MKRN2OS: variants seen among roughly 807,000 people sequenced by gnomAD.
MKRN2OS encodes the protein MKRN2 opposite strand.
MKRN2OS carries 17 observed loss-of-function variants against 18.2 expected under a neutral mutation model. The ratio of observed to expected loss-of-function variants is 0.93; its 90% confidence interval spans 0.64 to 1.40. The LOEUF is 1.40. Ranked by LOEUF, MKRN2OS falls within the 40% of genes most tolerant of loss-of-function variation. The probability of loss-of-function intolerance (pLI) is 0.00; values close to 1 mark genes in which losing one functional copy is unlikely to be tolerated. For missense variants in MKRN2OS, 337 were observed against 283.0 expected (o/e 1.19, Z -1.37); for synonymous variants, 121 against 108.5 (o/e 1.12, Z -0.72).
At chr3:12,549,328 C>G (rs1005732637), upstream of MKRN2OS, among the ~76,000 whole-genome samples, 2 of 152,114 alleles carry the variant, frequency 1.3e-5, no homozygotes, top group African/African-American at 4.8e-5. Context: ...ACTGCAGCCT[C>G]CATCTCCTGG....
intron 1 of MKRN2OS, chr3:12,557,131 G>T: frequency 2.7e-6 from 4 of 1,493,168 alleles, no homozygotes; most frequent in Non-Finnish European, 3.6e-6. Context: ...GCACGACGAC[G>T]GTCCCTCAGC....
upstream of MKRN2OS, among the ~76,000 whole-genome samples, chr3:12,548,840 C>T (rs963974569): frequency 1.3e-5 from 2 of 152,040 alleles, no homozygotes; most frequent in Admixed American, 6.6e-5. Context: ...TCCTTTTTTA[C>T]CTTTTCTCTA....
At position 12,541,975 on chromosome 3, in the gene MKRN2OS, C is replaced by A. The variant is rs751894943; in HGVS notation, c.316G>T (p.Gly106Trp). ...SAHGVQRDGE[G>W]WEESISIPLL... ...GGGATGCTTATGCTCTCTTCCCACCCTTCTCCGTCTCGCTGGACACCATGT... is the reference window on the plus strand; with the variant it reads ...GGGATGCTTATGCTCTCTTCCCACCATTCTCCGTCTCGCTGGACACCATGT... Residue 106 changes from glycine (G) to tryptophan (W), a missense_variant, in exon 3 of 4, where the codon GGG becomes TGG. Physicochemically the swap from Gly to Trp is radical, Grantham distance 184. Transcript: ENST00000564146. The A allele has an allele frequency of 2.6e-6, 4 of 1,535,970 alleles. No individual in the cohort carries two copies. The highest frequency in any genetic ancestry group is 2.0e-5 in the Admixed American group (1 of 50,966).
chr3:12,544,253 A>G (rs2057855036), intron 1 of MKRN2OS, among the ~76,000 whole-genome samples: 1 of 152,176 alleles, frequency 6.6e-6, no homozygotes, highest in Non-Finnish European at 1.5e-5. Context: ...GGAGCATTAG[A>G]CTAATGATAC....
downstream of MKRN2OS, among the ~76,000 whole-genome samples, chr3:12,551,355 T>C (rs189674665): frequency 1.1e-4 from 17 of 151,068 alleles, no homozygotes; most frequent in Non-Finnish European, 2.4e-4. Context: ...TTAGCCCGGG[T>C]GTGATGGTAC....
chr3:12,541,737 T>C, intron 3 of MKRN2OS, 123 bp downstream of exon 3: 1 of 1,031,686 alleles, frequency 9.7e-7, no homozygotes, highest in Non-Finnish European at 1.4e-6. Context: ...GATGCTAATA[T>C]GTCTGTATCG....
intron 2 of MKRN2OS, among the ~76,000 whole-genome samples, 192 bp downstream of exon 2, chr3:12,542,988 G>C (rs1206521609): frequency 6.6e-6 from 1 of 152,140 alleles, no homozygotes; most frequent in Non-Finnish European, 1.5e-5. Context: ...CAAATATTTT[G>C]TATTGTTAGT....
downstream of MKRN2OS, among the ~76,000 whole-genome samples, chr3:12,551,215 G>A (rs557951501): frequency 2.0e-5 from 3 of 151,422 alleles, no homozygotes; most frequent in Admixed American, 6.6e-5. Context: ...AAAAAAGCCC[G>A]GGCACAATGG....
chr3:12,543,574 G>A (rs113760078), intron 1 of MKRN2OS, among the ~76,000 whole-genome samples: 8,932 of 145,586 alleles, frequency 0.061, 351 homozygotes, highest in Non-Finnish European at 0.09. Flanking sequence ...GGGATAGAAC[G>A]AGAGTCTGTC....
downstream of MKRN2OS, among the ~76,000 whole-genome samples, chr3:12,551,870 G>A (rs1431103537): frequency 6.6e-6 from 1 of 151,982 alleles, no homozygotes; most frequent in African/African-American, 2.4e-5. Context: ...CTTGAACCCG[G>A]GAGGTGGAGG....
chr3:12,553,931 G>T (rs1401948180), exon 2 of MKRN2OS: 3 of 152,122 alleles, frequency 2.0e-5, no homozygotes, highest in Non-Finnish European at 4.4e-5. Flanking sequence ...CGCTTCTAGG[G>T]GCAGGTCGGC....
At chr3:12,548,458 A>T (rs1428486503), upstream of MKRN2OS, among the ~76,000 whole-genome samples, 2 of 42,748 alleles carry the variant, frequency 4.7e-5, no homozygotes, top group Non-Finnish European at 8.3e-5. Flanking sequence ...AAAAAAAAAA[A>T]AAAAAAAAAA....
chr3:12,548,400 A>G (rs2057902345), upstream of MKRN2OS, among the ~76,000 whole-genome samples: 1 of 85,928 alleles, frequency 1.2e-5, no homozygotes, highest in Non-Finnish European at 2.1e-5. Flanking sequence ...GTGAGCCGAG[A>G]TCGCGCCACT....
intron 1 of MKRN2OS, among the ~76,000 whole-genome samples, chr3:12,556,590 T>C (rs1327782950): frequency 6.6e-6 from 1 of 151,414 alleles, no homozygotes; most frequent in East Asian, 1.9e-4. Context: ...CTAAAACTTG[T>C]GGAAGTAGAG....
At chr3:12,558,584 T>C (rs770537418) in intron 1 of MKRN2OS, among the ~76,000 whole-genome samples, 1 of 152,262 alleles carries the variant, frequency 6.6e-6, no homozygotes, top group Admixed American at 6.5e-5. Flanking sequence ...TGTAGTATCT[T>C]ATTTTACAAA....
intron 1 of MKRN2OS, among the ~76,000 whole-genome samples, chr3:12,555,809 C>T (rs2057964485): frequency 6.6e-6 from 1 of 152,192 alleles, no homozygotes; most frequent in African/African-American, 2.4e-5. Context: ...ATCCTTCCGG[C>T]TCAACCTCTC....
chr3:12,553,400 A>T (rs2057943681), downstream of MKRN2OS, among the ~76,000 whole-genome samples: 1 of 152,164 alleles, frequency 6.6e-6, no homozygotes, highest in Admixed American at 6.5e-5. Context: ...ACCAGTATAA[A>T]AGGGAAAAAC....
intron 1 of MKRN2OS, among the ~76,000 whole-genome samples, chr3:12,557,442 G>T (rs2125297340): frequency 6.6e-6 from 1 of 152,366 alleles, no homozygotes; most frequent in African/African-American, 2.4e-5. Flanking sequence ...TGGGAGGAAG[G>T]ACGTCCTAGC....
intron 3 of MKRN2OS, among the ~76,000 whole-genome samples, chr3:12,541,192 A>G (rs2057804149): frequency 6.7e-6 from 1 of 148,542 alleles, no homozygotes; most frequent in Non-Finnish European, 1.5e-5. Context: ...ATTACAAAAA[A>G]GAAGCTTTTA....
Sources: allele counts gnomAD v4.1 joint callset (sites outside exome capture counted in the v4.1 genomes callset), GRCh38; gene constraint gnomAD v4.1.1; transcripts MANE v1.5; gene names NCBI Gene and HGNC (gene_info 2026-07-23, HGNC 2026-07-21).